Variants in ZNF33A observed in about 807,000 individuals in gnomAD.
ZNF33A encodes zinc finger protein 33A.
ZNF33A carries 9 observed loss-of-function variants against 15.9 expected under a neutral mutation model. The observed-to-expected ratio is 0.57, with a 90% CI of 0.34 to 0.99. The LOEUF (loss-of-function observed/expected upper bound fraction) is 0.99. ZNF33A is among the 50% of genes least tolerant of loss of function. The pLI is 0.02. For synonymous variants in ZNF33A, 294 were observed against 324.2 expected (o/e 0.91, Z 1.00); for missense variants, 843 against 941.6 (o/e 0.90, Z 1.37).
chr10:38,033,022 A>T (rs1467149480), intron 4 of ZNF33A, among the ~76,000 whole-genome samples: 3 of 152,232 alleles, frequency 2.0e-5, no homozygotes, highest in Non-Finnish European at 2.9e-5. Context: ...TGCTGGGATT[A>T]TAGGCGTGAG....
chr10:38,032,371 C>T (rs2065250111), intron 4 of ZNF33A, among the ~76,000 whole-genome samples: 1 of 152,124 alleles, frequency 6.6e-6, no homozygotes, highest in Non-Finnish European at 1.5e-5. Context: ...ACATACTGTA[C>T]TCTTCACCAA....
At chr10:38,012,683 T>G (rs1441181936) in intron 2 of ZNF33A, among the ~76,000 whole-genome samples, 1 of 152,190 alleles carries the variant, frequency 6.6e-6, no homozygotes, top group Non-Finnish European at 1.5e-5. Flanking sequence ...CCGCCCGCCT[T>G]GGTCTCCCAA....
At chr10:38,011,220 A>G (rs2135518324) in intron 1 of ZNF33A, among the ~76,000 whole-genome samples, 1 of 152,340 alleles carries the variant, frequency 6.6e-6, no homozygotes, top group Middle Eastern at 3.4e-3. Flanking sequence ...AGTCAGGTCC[A>G]TCACTGCATC....
chr10:38,037,020 TC>T (rs150142168), intron 4 of ZNF33A, among the ~76,000 whole-genome samples: 1,677 of 152,354 alleles, frequency 0.011, 40 homozygotes, highest in African/African-American at 0.038. Context: ...AATATTTTTC[TC>T]CCATTTGTGG....
chr10:38,050,432 G>T (rs1328400462), intron 4 of ZNF33A, among the ~76,000 whole-genome samples: 1 of 152,200 alleles, frequency 6.6e-6, no homozygotes. Flanking sequence ...TTGTAAGAAG[G>T]GATCCTGTAC....
intron 4 of ZNF33A, among the ~76,000 whole-genome samples, chr10:38,028,071 A>C (rs2065055879): frequency 6.6e-6 from 1 of 152,076 alleles, no homozygotes; most frequent in African/African-American, 2.4e-5. Context: ...GTTGGAGACT[A>C]GCCTGGTCTA....
intron 2 of ZNF33A, among the ~76,000 whole-genome samples, chr10:38,015,730 G>T (rs1160092452): frequency 1.3e-5 from 2 of 152,216 alleles, no homozygotes; most frequent in Non-Finnish European, 1.5e-5. Flanking sequence ...CTGGGCAGCT[G>T]TGCATGGAGA....
chr10:38,023,021 C>T (rs375177428), intron 4 of ZNF33A, among the ~76,000 whole-genome samples: 1 of 152,070 alleles, frequency 6.6e-6, no homozygotes, highest in Non-Finnish European at 1.5e-5. Context: ...TCTCGGCTCA[C>T]CGCAACCTCT....
At chr10:38,040,254 T>G (rs1367529185) in intron 4 of ZNF33A, among the ~76,000 whole-genome samples, 1 of 152,154 alleles carries the variant, frequency 6.6e-6, no homozygotes, top group Non-Finnish European at 1.5e-5. Context: ...TGTGTACTTT[T>G]GAAGCATACC....
At chr10:38,012,487 A>C (rs1247135330) in intron 2 of ZNF33A, 137 bp downstream of exon 2, 5 of 1,061,398 alleles carry the variant, frequency 4.7e-6, no homozygotes, top group Middle Eastern at 2.3e-4. Flanking sequence ...GCTGGAGTAC[A>C]ATGTCCCCAT....
At chr10:38,062,684 G>A (rs2066668630), downstream of ZNF33A, among the ~76,000 whole-genome samples, 1 of 152,074 alleles carries the variant, frequency 6.6e-6, no homozygotes, top group Admixed American at 6.6e-5. Flanking sequence ...CTCCAGCCTG[G>A]GTGACAGAGT....
intron 4 of ZNF33A, among the ~76,000 whole-genome samples, chr10:38,029,710 C>T (rs2065132285): frequency 6.6e-6 from 1 of 152,138 alleles, no homozygotes; most frequent in African/African-American, 2.4e-5. Context: ...GTGACCTATG[C>T]ACAGGACTAA....
chr10:38,024,945 T>C (rs1431949705), intron 4 of ZNF33A, among the ~76,000 whole-genome samples: 1 of 152,240 alleles, frequency 6.6e-6, no homozygotes, highest in Non-Finnish European at 1.5e-5. Context: ...ACAATATGTG[T>C]TCAGGTAACC....
In ZNF33A at chr10:38,046,823, A is replaced by G. The variant is rs1456424848; in HGVS notation, c.251-7552A>G. ...TTTAAAAAAAAAATCAAAATTCAGT[A>G]TAACAGAAAAGATAGAAATCAGATT... On this transcript the variant is annotated intron_variant, in intron 4 of 4. Transcript: ENST00000432900. 2.0e-5 allele frequency among the ~76,000 whole-genome samples: 3 copies of G among 152,368 alleles called. No homozygotes were observed. The East Asian group carries it at 5.8e-4, about 29-fold the overall frequency.
chr10:38,024,558 C>T lies in ZNF33A; in HGVS notation c.250+7172C>T, dbSNP rs968372010. The stretch of plus-strand genomic sequence containing the variant: ...TTTCTCAGCTTTAAATAAACTTATT[C>T]CAAAATTTGCATAAACAGTCAAAGT... On this transcript the variant is annotated intron_variant, in intron 4 of 4. Coordinates refer to ENST00000432900, the MANE Select transcript of ZNF33A (RefSeq NM_006954.2). 3.9e-5 allele frequency among the ~76,000 whole-genome samples: 6 copies of T among 152,056 alleles called. 1 individual carries two copies. Among genetic ancestry groups the T allele is most frequent in the Admixed American group, 3.9e-4 (6 of 15,264 alleles).
rs767951505 is a variant in ZNF33A at position 38,010,709 on chromosome 10, G to C, written c.-119G>C. 6.3e-7 allele frequency: 1 copy of C among 1,598,392 alleles called. No homozygotes were observed. Among genetic ancestry groups the C allele is most frequent in the Non-Finnish European group, 8.5e-7 (1 of 1,179,750 alleles). On this transcript the variant is annotated 5_prime_UTR_variant, in exon 1 of 5. Coordinates refer to ENST00000432900, the MANE Select transcript of ZNF33A (RefSeq NM_006954.2). Reference sequence around the variant, plus strand: ...TTTCCTTTTGTTTTTCTCAGGTTTTGCGTGGGAGGCGGTCCCGGGATTTCA... The same window carrying C: ...TTTCCTTTTGTTTTTCTCAGGTTTTCCGTGGGAGGCGGTCCCGGGATTTCA...
intron 4 of ZNF33A, among the ~76,000 whole-genome samples, chr10:38,028,227 C>T (rs962256187): frequency 7.2e-5 from 11 of 152,030 alleles, no homozygotes; most frequent in African/African-American, 2.7e-4. Flanking sequence ...ATGTTTGTGT[C>T]ACTGCACTCC....
intron 4 of ZNF33A, among the ~76,000 whole-genome samples, chr10:38,046,418 C>G (rs1368866791): frequency 6.6e-6 from 1 of 152,180 alleles, no homozygotes; most frequent in African/African-American, 2.4e-5. Flanking sequence ...TCAGAAAGGT[C>G]TTTTCTCCGT....
At chr10:38,033,660 G>C (rs1426476080) in intron 4 of ZNF33A, among the ~76,000 whole-genome samples, 1 of 151,162 alleles carries the variant, frequency 6.6e-6, no homozygotes, top group South Asian at 2.1e-4. Flanking sequence ...TTGTAAAGAG[G>C]TATCTCATTG....
Sources: gnomAD v4.1 joint callset for allele counts (sites outside exome capture counted in the v4.1 genomes callset) on GRCh38, gnomAD v4.1.1 for gene constraint, MANE v1.5 for transcripts, NCBI Gene and HGNC (gene_info 2026-07-23, HGNC 2026-07-21) for gene names.